The following ECE1 variants were observed in gnomAD, a reference collection of about 807,000 sequenced individuals.
The protein encoded by ECE1 is endothelin converting enzyme 1.
In ECE1, 35 loss-of-function variants were observed where a neutral mutation model predicts 98.6. The observed-to-expected ratio is 0.35, with a 90% CI of 0.27 to 0.47. ECE1 has a LOEUF of 0.47. Ranked by LOEUF, ECE1 falls within the 20% of genes least tolerant of loss-of-function variation. The pLI is 1.00. For synonymous variants in ECE1, 394 were observed against 407.1 expected, an observed-to-expected ratio of 0.97 and a Z score of 0.39; for missense variants, 814 against 1,025.3, an observed-to-expected ratio of 0.79 and a Z score of 2.81.
chr1:21,342,613 C>T (rs12138033), intron 1 of ECE1, among the ~76,000 whole-genome samples: 5,689 of 50,000 alleles, frequency 0.11, 156 homozygotes, highest in African/African-American at 0.28. Context: ...CAGATACACA[C>T]ACACACACAC....
chr1:21,301,352 G>A (rs188163718), intron 1 of ECE1, among the ~76,000 whole-genome samples: 139 of 152,224 alleles, frequency 9.1e-4, no homozygotes, highest in Admixed American at 4.2e-3. Context: ...AAATTAGCTT[G>A]GCGAGGTGGC....
At chr1:21,312,673 C>T (rs561533827) in intron 1 of ECE1, among the ~76,000 whole-genome samples, 3 of 152,164 alleles carry the variant, frequency 2.0e-5, no homozygotes, top group South Asian at 2.1e-4. Context: ...GCACGTGTCC[C>T]ATGTGCTGTC....
intron 1 of ECE1, among the ~76,000 whole-genome samples, chr1:21,311,488 C>T (rs1254003622): frequency 8.2e-6 from 1 of 122,314 alleles, no homozygotes; most frequent in Non-Finnish European, 1.6e-5. Flanking sequence ...GCCTGGGGAA[C>T]ATAGTGAGAC....
At chr1:21,274,389 G>T (rs1558405663) in intron 3 of ECE1, among the ~76,000 whole-genome samples, 1 of 152,232 alleles carries the variant, frequency 6.6e-6, no homozygotes, top group African/African-American at 2.4e-5. Flanking sequence ...CACTAGACCT[G>T]GGTTCAAATC....
intron 4 of ECE1, among the ~76,000 whole-genome samples, chr1:21,264,832 G>A (rs1469613093): frequency 6.6e-6 from 1 of 152,068 alleles, no homozygotes; most frequent in African/African-American, 2.4e-5. Flanking sequence ...CCTGGGTGAC[G>A]GGGTCTGCGC....
At chr1:21,281,930 C>T (rs990152754) in intron 2 of ECE1, among the ~76,000 whole-genome samples, 5 of 152,160 alleles carry the variant, frequency 3.3e-5, no homozygotes, top group East Asian at 3.9e-4. Context: ...CTCCTAACAT[C>T]GTGATCCACC....
At chr1:21,246,280 A>T (rs948121572) in intron 9 of ECE1, among the ~76,000 whole-genome samples, 1 of 152,026 alleles carries the variant, frequency 6.6e-6, no homozygotes, top group Non-Finnish European at 1.5e-5. Flanking sequence ...CAGGCAGATC[A>T]ACTGAGGTCA....
At chr1:21,326,720 G>T (rs558846955) in intron 1 of ECE1, among the ~76,000 whole-genome samples, 1 of 152,240 alleles carries the variant, frequency 6.6e-6, no homozygotes, top group African/African-American at 2.4e-5. Flanking sequence ...GGTCTTAGGT[G>T]CCAACTGGGG....
rs547707794 is a variant in ECE1 at position 21,269,746 on chromosome 1, T to C, written c.493+2953A>G. On this transcript the variant is annotated intron_variant, in intron 4 of 18. Transcript: ENST00000374893. Reference sequence around the variant, plus strand: ...ATGTGTTAGGAGGCATCATTATCCCTACTGTACAGATAATGAAACTAAGTG... The same window carrying C: ...ATGTGTTAGGAGGCATCATTATCCCCACTGTACAGATAATGAAACTAAGTG... 3.9e-5 allele frequency among the ~76,000 whole-genome samples: 6 copies of C among 152,352 alleles called. No individual in the cohort carries two copies. The South Asian group carries it at 1.0e-3, about 26-fold the overall frequency.
chr1:21,278,592 T>C (rs1298645265), intron 3 of ECE1, among the ~76,000 whole-genome samples: 1 of 152,108 alleles, frequency 6.6e-6, no homozygotes, highest in East Asian at 1.9e-4. Context: ...TTTCCTAATA[T>C]GGAAAAGGGG....
rs770348949 is a variant in ECE1, at chr1:21,340,547, C to A, written c.3+4829G>T. Among the ~76,000 whole-genome samples, 1 of 152,242 alleles carries A rather than the reference C, an allele frequency of 6.6e-6. No homozygotes were observed. The highest frequency in any genetic ancestry group is 1.5e-5 in the Non-Finnish European group (1 of 68,044). On this transcript the variant is annotated intron_variant, in intron 1 of 18. Transcript: ENST00000415912. This position sits in a 1 kb window ranked among gnomAD's most constrained non-coding sequence, Gnocchi z 4.6. Reference sequence around the variant, plus strand: ...ACCGTGTCACTCCCCTGACTCTAAACTCCTCAGTAGGCTGGGTGCGGTGGC... The same window carrying A: ...ACCGTGTCACTCCCCTGACTCTAAAATCCTCAGTAGGCTGGGTGCGGTGGC...
intron 1 of ECE1, among the ~76,000 whole-genome samples, chr1:21,344,470 T>C (rs959657396): frequency 9.9e-5 from 15 of 152,016 alleles, no homozygotes; most frequent in East Asian, 9.7e-4. Context: ...CAAAGAGAAG[T>C]AGATGGCTCC....
intron 2 of ECE1, among the ~76,000 whole-genome samples, chr1:21,280,365 G>A (rs2098252996): frequency 6.6e-6 from 1 of 152,322 alleles, no homozygotes; most frequent in Non-Finnish European, 1.5e-5. Context: ...GGCAGATAAA[G>A]AAACAGACTG....
chr1:21,250,862 C>A (rs1330668366), intron 8 of ECE1, among the ~76,000 whole-genome samples: 2 of 152,180 alleles, frequency 1.3e-5, no homozygotes, highest in Non-Finnish European at 2.9e-5. Flanking sequence ...AAAAAATTAG[C>A]CGGGCATTAT....
intron 3 of ECE1, among the ~76,000 whole-genome samples, chr1:21,273,346 C>CAT (rs2098242676): frequency 1.5e-5 from 2 of 133,078 alleles, no homozygotes; most frequent in African/African-American, 6.2e-5. Context: ...TGCGTGTGTG[C>CAT]GTGTGTGTGT....
intron 1 of ECE1, among the ~76,000 whole-genome samples, chr1:21,342,855 C>T (rs1558441454): frequency 6.6e-6 from 1 of 152,154 alleles, no homozygotes; most frequent in Admixed American, 6.5e-5. Flanking sequence ...GCCAGGGAGG[C>T]CTGACATCAG....
In ECE1 at chr1:21,247,450, G is replaced by C. The variant is rs2098205403; in HGVS notation, c.1021-87C>G. On this transcript the variant is annotated intron_variant, in intron 8 of 18. Coordinates refer to ENST00000374893, the MANE Select transcript of ECE1 (RefSeq NM_001397.3). ...AGGACGGGCTTCTACAGGAAGCAAA[G>C]GAAAGAGCTTGGGCTTGGCGCCATC... is the stretch of plus-strand genomic sequence containing the variant. 3 of 1,602,752 alleles carry C rather than the reference G, an allele frequency of 1.9e-6. No homozygotes were observed. The Admixed American group carries it at 5.0e-5, about 27-fold the overall frequency.
At chr1:21,262,892 C>T (rs571957284) in intron 4 of ECE1, among the ~76,000 whole-genome samples, 4 of 152,300 alleles carry the variant, frequency 2.6e-5, no homozygotes, top group South Asian at 4.1e-4. Flanking sequence ...GCCTGGCAAC[C>T]GCCAGGCCGG....
upstream of ECE1, among the ~76,000 whole-genome samples, chr1:21,293,006 A>C (rs1246197857): frequency 6.6e-6 from 1 of 152,192 alleles, no homozygotes; most frequent in East Asian, 1.9e-4. Flanking sequence ...GCCAGAGGAA[A>C]AGACTTTTGA....
Sources: gnomAD v4.1 joint callset for allele counts (sites outside exome capture counted in the v4.1 genomes callset) on GRCh38, gnomAD v4.1.1 for gene constraint, Gnocchi (gnomAD v3.1) non-coding constraint, MANE v1.5 for transcripts, NCBI Gene and HGNC (gene_info 2026-07-23, HGNC 2026-07-21) for gene names.